The following UBL3 variants were observed in gnomAD, a reference collection of about 807,000 sequenced individuals.
UBL3 encodes ubiquitin-like protein 3.
In UBL3, 6 loss-of-function variants were observed where a neutral mutation model predicts 18.4. The observed-to-expected ratio is 0.33, with a 90% confidence interval of 0.18 to 0.64. The LOEUF is 0.64. Ranked by LOEUF, UBL3 falls within the 30% of genes least tolerant of loss-of-function variation. UBL3 has a pLI of 0.76. For synonymous variants in UBL3, 49 were observed against 46.6 expected (o/e 1.05, Z -0.21); for missense variants, 109 against 142.9 (o/e 0.76, Z 1.21).
At chr13:29,824,323 C>G (rs1264455316) in intron 1 of UBL3, among the ~76,000 whole-genome samples, 1 of 152,202 alleles carries the variant, frequency 6.6e-6, no homozygotes, top group Non-Finnish European at 1.5e-5. Flanking sequence ...ACAGTCCCAC[C>G]AACACTGTAA....
At chr13:29,831,290 T>C (rs1878763240) in intron 1 of UBL3, among the ~76,000 whole-genome samples, 1 of 152,156 alleles carries the variant, frequency 6.6e-6, no homozygotes, top group Non-Finnish European at 1.5e-5. Flanking sequence ...TACTTGCTCT[T>C]TTAAAAAAGA....
chr13:29,765,345 A>C lies in UBL3; in HGVS notation c.*1910T>G, dbSNP rs934367642. ...CACTAACAGAATTCACATTTCAGCTAGTCAACAAAGCATATAAATATTTAA... is the reference window on the plus strand; with the variant it reads ...CACTAACAGAATTCACATTTCAGCTCGTCAACAAAGCATATAAATATTTAA... On this transcript the variant is annotated 3_prime_UTR_variant, in exon 5 of 5. Coordinates refer to ENST00000380680, the MANE Select transcript of UBL3 (RefSeq NM_007106.4). 1.3e-5 allele frequency: 2 copies of C among 152,180 alleles called. No homozygotes were observed. Among genetic ancestry groups the C allele is most frequent in the Admixed American group, 1.3e-4 (2 of 15,266 alleles). The allele number at this position is 152,180 out of a possible 1,614,324, so 9.4% of individuals were successfully genotyped here.
At chr13:29,775,628 T>G (rs1876963592) in intron 2 of UBL3, among the ~76,000 whole-genome samples, 1 of 152,166 alleles carries the variant, frequency 6.6e-6, no homozygotes, top group Non-Finnish European at 1.5e-5. Context: ...AGGCAATTTT[T>G]TTTTTGAGAC....
intron 1 of UBL3, among the ~76,000 whole-genome samples, chr13:29,821,834 C>T (rs1180554772): frequency 9.9e-5 from 15 of 151,962 alleles, no homozygotes; most frequent in Admixed American, 9.8e-4. Flanking sequence ...CACATAAATC[C>T]CCAAAACAGA....
intron 1 of UBL3, among the ~76,000 whole-genome samples, chr13:29,809,084 C>T (rs1196395509): frequency 6.6e-6 from 1 of 152,110 alleles, no homozygotes; most frequent in African/African-American, 2.4e-5. Flanking sequence ...CTACTGGGTA[C>T]ACATGATGTA....
At chr13:29,799,259 A>T (rs1177363809) in intron 1 of UBL3, among the ~76,000 whole-genome samples, 1 of 152,246 alleles carries the variant, frequency 6.6e-6, no homozygotes, top group African/African-American at 2.4e-5. Flanking sequence ...GTATGCAGAC[A>T]TTGCCAAATG....
chr13:29,767,780 G>T, intron 3 of UBL3, 85 bp from the exon 4 acceptor site: 2 of 1,247,206 alleles, frequency 1.6e-6, no homozygotes, highest in Non-Finnish European at 1.1e-6. Flanking sequence ...TTTAAAAATT[G>T]ATTGCTTTTT....
chr13:29,785,875 G>A (rs1201219006), intron 1 of UBL3, among the ~76,000 whole-genome samples: 1 of 152,176 alleles, frequency 6.6e-6, no homozygotes, highest in African/African-American at 2.4e-5. Context: ...AATTGTAAGT[G>A]CTTGATAAAT....
At chr13:29,849,152 A>G (rs1486620045) in intron 1 of UBL3, among the ~76,000 whole-genome samples, 1 of 152,190 alleles carries the variant, frequency 6.6e-6, no homozygotes, top group Non-Finnish European at 1.5e-5. Context: ...ATTCTCTCGT[A>G]GGGACACCCG....
At chr13:29,772,453 C>T (rs1245043026) in intron 2 of UBL3, among the ~76,000 whole-genome samples, 1 of 151,856 alleles carries the variant, frequency 6.6e-6, no homozygotes, top group Admixed American at 6.6e-5. Flanking sequence ...AATTGTAGTC[C>T]CCAAGTTTAA....
chr13:29,783,622 G>T (rs1368785257), intron 1 of UBL3, among the ~76,000 whole-genome samples: 3 of 152,176 alleles, frequency 2.0e-5, no homozygotes, highest in Non-Finnish European at 2.9e-5. Context: ...AATGTTAATT[G>T]TAGCTCCTCT....
At chr13:29,827,310 G>A (rs1481741669) in intron 1 of UBL3, among the ~76,000 whole-genome samples, 1 of 152,118 alleles carries the variant, frequency 6.6e-6, no homozygotes, top group Non-Finnish European at 1.5e-5. Flanking sequence ...GTTATTGTGT[G>A]GGAGTCTAAT....
chr13:29,772,244 T>A (rs1245005108), intron 2 of UBL3, 46 bp from the exon 3 acceptor site: 1 of 1,497,826 alleles, frequency 6.7e-7, no homozygotes, highest in Non-Finnish European at 9.2e-7. Flanking sequence ...CAACATATAA[T>A]TAAGGTACTA....
At chr13:29,825,959 G>A (rs982491649) in intron 1 of UBL3, among the ~76,000 whole-genome samples, 1 of 152,120 alleles carries the variant, frequency 6.6e-6, no homozygotes, top group East Asian at 1.9e-4. Flanking sequence ...ATAATCATGT[G>A]GTTTTTGTCT....
At chr13:29,840,763 C>A (rs1879077114) in intron 1 of UBL3, among the ~76,000 whole-genome samples, 1 of 152,134 alleles carries the variant, frequency 6.6e-6, no homozygotes, top group African/African-American at 2.4e-5. Context: ...TCAGACAAGG[C>A]ACAGAGATAT....
intron 1 of UBL3, among the ~76,000 whole-genome samples, chr13:29,785,329 T>C (rs966951257): frequency 6.7e-6 from 1 of 150,286 alleles, no homozygotes; most frequent in African/African-American, 2.4e-5. Context: ...CATGGTTAAT[T>C]TATAATTGTC....
intron 1 of UBL3, among the ~76,000 whole-genome samples, chr13:29,799,983 G>C (rs1301053059): frequency 3.3e-5 from 5 of 152,010 alleles, no homozygotes; most frequent in Admixed American, 6.6e-5. Context: ...TTATGCAATG[G>C]CAGAACCAAT....
intron 1 of UBL3, among the ~76,000 whole-genome samples, chr13:29,820,169 CTTTTTTTTTTTTT>C (rs36050662): frequency 2.9e-5 from 3 of 104,974 alleles, no homozygotes; most frequent in African/African-American, 8.2e-5. Flanking sequence ...CTCAGAGTTC[CTTTTTTTTTTTTT>C]TTTTTTTTTT....
chr13:29,829,477 AC>A (rs1230141917), intron 1 of UBL3, among the ~76,000 whole-genome samples: 1 of 152,108 alleles, frequency 6.6e-6, no homozygotes, highest in African/African-American at 2.4e-5. Context: ...TGGGCGTGGG[AC>A]CCTCCAAGCC....
Sources: gnomAD v4.1 joint callset for allele counts (sites outside exome capture counted in the v4.1 genomes callset) on GRCh38, gnomAD v4.1.1 for gene constraint, MANE v1.5 for transcripts, NCBI Gene and HGNC (gene_info 2026-07-23, HGNC 2026-07-21) for gene names.